Variants in PRKCB observed in about 807,000 individuals in gnomAD.
PRKCB encodes protein kinase C beta.
A neutral mutation model predicts 81.5 loss-of-function variants in PRKCB; 13 were observed. The ratio of observed to expected loss-of-function variants is 0.16; its 90% CI spans 0.10 to 0.25. PRKCB has a LOEUF of 0.25. Ranked by LOEUF, PRKCB falls within the 10% of genes least tolerant of loss-of-function variation. The pLI is 1.00. For synonymous variants in PRKCB, 335 were observed against 321.4 expected, an observed-to-expected ratio of 1.04 and a Z score of -0.45; for missense variants, 509 against 875.7, an observed-to-expected ratio of 0.58 and a Z score of 5.29.
At chr16:24,162,815 G>C (rs1021911113) in intron 10 of PRKCB, among the ~76,000 whole-genome samples, 1 of 152,076 alleles carries the variant, frequency 6.6e-6, no homozygotes, top group Non-Finnish European at 1.5e-5. Flanking sequence ...CAGGTGATGG[G>C]TGCCCTAAAA....
At chr16:24,059,303 G>A (rs111493969) in intron 5 of PRKCB, among the ~76,000 whole-genome samples, 1 of 152,128 alleles carries the variant, frequency 6.6e-6, no homozygotes. Context: ...CAGGCTCTGG[G>A]AAATGGAGCC....
At position 24,188,451 on chromosome 16, in the gene PRKCB, G is replaced by A. The variant is rs77975725; in HGVS notation, c.1723-2639G>A. Among the ~76,000 whole-genome samples the A allele has an allele frequency of 4.9e-3, 741 of 152,260 alleles. 6 individuals are homozygous for A. Among genetic ancestry groups the A allele is most frequent in the African/African-American group, 0.017 (712 of 41,542 alleles). ...GGGCAGAGACTCCGAATTAATGCTG[G>A]ATGTTTTTGCAGTACCTTTTCTTTG... On this transcript the variant is annotated intron_variant, in intron 15 of 16. Coordinates refer to ENST00000643927, the MANE Select transcript of PRKCB (RefSeq NM_002738.7).
At chr16:23,857,616 G>A (rs34523093) in intron 2 of PRKCB, among the ~76,000 whole-genome samples, 23 of 152,122 alleles carry the variant, frequency 1.5e-4, no homozygotes, top group Admixed American at 1.2e-3. Context: ...GGGCCATAGG[G>A]GGGCCAGGGC....
rs1272711555 is a variant in PRKCB at position 24,216,424 on chromosome 16, G to A, written c.*1608G>A. The A allele has an allele frequency of 8.1e-6, 8 of 985,346 alleles. No homozygotes were observed. Among genetic ancestry groups the A allele is most frequent in the Non-Finnish European group, 9.6e-6 (8 of 829,950 alleles). The allele number at this position is 985,346 out of a possible 1,614,324, so 61.0% of individuals were successfully genotyped here. On this transcript the variant is annotated 3_prime_UTR_variant, in exon 17 of 17. Coordinates refer to ENST00000643927, the MANE Select transcript of PRKCB (RefSeq NM_002738.7). ...TCTGTCTGAGAGGATTAAGGCAGCA[G>A]GTGACTCCCCCTCCTCGCCTGCCGT...
At chr16:24,212,827 T>A (rs1968165358) in intron 16 of PRKCB, among the ~76,000 whole-genome samples, 1 of 151,782 alleles carries the variant, frequency 6.6e-6, no homozygotes, top group Non-Finnish European at 1.5e-5. Context: ...CCTCTCAAAG[T>A]CGTTATCCAA....
At position 24,217,104 on chromosome 16, in the gene PRKCB, A is replaced by G; in HGVS notation, c.*2288A>G. On this transcript the variant is annotated 3_prime_UTR_variant, in exon 17 of 17. Transcript: ENST00000643927. The stretch of plus-strand genomic sequence containing the variant: ...ATGGAAAGAGAAAGAAAGGAAAGAA[A>G]GAAGAAAAAGAAAGAAGGAAAGAAA... 2.0e-6 allele frequency: 2 copies of G among 984,490 alleles called. No individual in the cohort carries two copies. Among genetic ancestry groups the G allele is most frequent in the Non-Finnish European group, 2.4e-6 (2 of 829,290 alleles). 61.0% of individuals were successfully genotyped at this position (984,490 alleles called of 1,614,324 possible).
chr16:24,098,875 A>C (rs574943730), intron 7 of PRKCB: 29 of 152,380 alleles, frequency 1.9e-4, no homozygotes, highest in African/African-American at 6.7e-4. Flanking sequence ...ATGCTCTAGC[A>C]TGACATTAAA....
chr16:24,113,166 T>C (rs1966695976), intron 8 of PRKCB, 97 bp downstream of exon 8: 3 of 824,520 alleles, frequency 3.6e-6, no homozygotes, highest in Admixed American at 6.4e-5. Flanking sequence ...TCTCTCTTAT[T>C]CTTTTTTCTC....
intron 2 of PRKCB, among the ~76,000 whole-genome samples, chr16:23,910,315 G>A (rs1352745205): frequency 6.6e-6 from 1 of 152,126 alleles, no homozygotes; most frequent in African/African-American, 2.4e-5. Flanking sequence ...CAAGCGCCTG[G>A]TGTGCACTGG....
At chr16:24,181,066 C>A in intron 13 of PRKCB, 138 bp downstream of exon 13, 2 of 1,120,604 alleles carry the variant, frequency 1.8e-6, no homozygotes, top group Non-Finnish European at 2.5e-6. Flanking sequence ...TACTCTAAAT[C>A]CTCCCTTTGA....
chr16:24,003,799 C>A (rs992999850), intron 3 of PRKCB, among the ~76,000 whole-genome samples: 1 of 152,162 alleles, frequency 6.6e-6, no homozygotes, highest in African/African-American at 2.4e-5. Context: ...ATCCCTTTCA[C>A]CCAGGAGCAG....
intron 8 of PRKCB, among the ~76,000 whole-genome samples, chr16:24,113,536 C>A (rs550526674): frequency 3.4e-5 from 5 of 148,412 alleles, no homozygotes; most frequent in African/African-American, 1.2e-4. Flanking sequence ...CTCCCTCCCC[C>A]CTTTCCTTTC....
intron 9 of PRKCB, among the ~76,000 whole-genome samples, chr16:24,152,568 G>GC (rs1042635695): frequency 1.4e-4 from 22 of 152,142 alleles, no homozygotes; most frequent in Admixed American, 1.4e-3. Context: ...TCACCTCCCT[G>GC]CCCCCTCCCT....
intron 5 of PRKCB, among the ~76,000 whole-genome samples, chr16:24,066,196 G>T (rs1009271509): frequency 5.9e-5 from 9 of 151,432 alleles, no homozygotes; most frequent in Non-Finnish European, 1.2e-4. Flanking sequence ...CTTGTCCATT[G>T]TCTGCCCTAT....
Position 23,836,336 on chromosome 16 carries a change from C to T in PRKCB, c.161C>T (p.Thr54Ile). The T allele has an allele frequency of 6.2e-7, 1 of 1,602,388 alleles. No homozygotes were observed. The highest frequency in any genetic ancestry group is 8.5e-7 in the Non-Finnish European group (1 of 1,175,144). Residue 54 changes from threonine to isoleucine, a missense_variant, in exon 1 of 17, where the codon ACC becomes ATC. This residue lies in a region of PRKCB where 184 missense variants were observed against 362.9 expected (regional missense o/e 0.51). Coordinates refer to ENST00000643927, the MANE Select transcript of PRKCB (RefSeq NM_002738.7). ...CAGCCCACCTTCTGCAGCCACTGCACCGACTTCATCTGGTGAGCGCGCGCG... is the reference window on the plus strand; with the variant it reads ...CAGCCCACCTTCTGCAGCCACTGCATCGACTTCATCTGGTGAGCGCGCGCG... ...FKQPTFCSHC[T>I]DFIWGFGKQG...
At chr16:24,052,022 A>G (rs1039619452) in intron 5 of PRKCB, among the ~76,000 whole-genome samples, 6 of 151,926 alleles carry the variant, frequency 3.9e-5, no homozygotes, top group Admixed American at 3.3e-4. Flanking sequence ...AGGCAGGAGA[A>G]TCGCTTGAAC....
intron 5 of PRKCB, among the ~76,000 whole-genome samples, chr16:24,079,044 C>T (rs775497744): frequency 6.6e-6 from 1 of 152,082 alleles, no homozygotes; most frequent in Non-Finnish European, 1.5e-5. Flanking sequence ...CCTGAAGCAA[C>T]GGAAGATCCA....
At chr16:23,959,362 A>G (rs1038604005) in intron 2 of PRKCB, among the ~76,000 whole-genome samples, 1 of 152,176 alleles carries the variant, frequency 6.6e-6, no homozygotes, top group Non-Finnish European at 1.5e-5. Flanking sequence ...ACACTGTGGA[A>G]GGGGGCATTT....
intron 3 of PRKCB, among the ~76,000 whole-genome samples, chr16:24,007,177 G>A (rs1049561471): frequency 9.2e-5 from 14 of 152,158 alleles, no homozygotes; most frequent in African/African-American, 3.4e-4. Context: ...AGGATAAAAT[G>A]GCACCCACCT....
Sources: gnomAD v4.1 joint callset for allele counts (sites outside exome capture counted in the v4.1 genomes callset) on GRCh38, gnomAD v4.1.1 for gene constraint, gnomAD v4.1.1 regional missense constraint, MANE v1.5 for transcripts, NCBI Gene and HGNC (gene_info 2026-07-23, HGNC 2026-07-21) for gene names.